Variants in ILKAP observed in about 807,000 individuals in gnomAD.
The protein encoded by ILKAP is ILK associated serine/threonine phosphatase.
ILKAP carries 11 observed loss-of-function variants against 49.1 expected under a neutral mutation model. That is an observed-to-expected ratio of 0.22 (90% CI 0.14 to 0.37). The LOEUF (loss-of-function observed/expected upper bound fraction) is 0.37. Among genes scored for constraint, ILKAP ranks in the 10% least tolerant of loss-of-function variants. The pLI is 1.00. For synonymous variants in ILKAP, 186 were observed against 192.8 expected (o/e 0.96, Z 0.29); for missense variants, 363 against 510.8 (o/e 0.71, Z 2.79).
chr2:238,174,382 C>A (rs1295036534), intron 9 of ILKAP, among the ~76,000 whole-genome samples: 2 of 152,202 alleles, frequency 1.3e-5, no homozygotes, highest in Admixed American at 6.5e-5. Flanking sequence ...AGCACTGTCA[C>A]CTTAGGCAGC....
intron 9 of ILKAP, among the ~76,000 whole-genome samples, chr2:238,174,634 CCA>C (rs1238722154): frequency 1.3e-5 from 2 of 152,178 alleles, no homozygotes; most frequent in African/African-American, 4.8e-5. Flanking sequence ...TCTCTGGGCC[CCA>C]GTTACCCTCT....
intron 5 of ILKAP, among the ~76,000 whole-genome samples, chr2:238,187,781 G>A (rs989715882): frequency 3.3e-5 from 5 of 152,186 alleles, no homozygotes; most frequent in Admixed American, 6.5e-5. Context: ...GCTATGAAGC[G>A]TCATCTCCCG....
At chr2:238,171,950 G>C (rs1693237955) in intron 10 of ILKAP, among the ~76,000 whole-genome samples, 1 of 152,136 alleles carries the variant, frequency 6.6e-6, no homozygotes. Flanking sequence ...TGGGGGTGGG[G>C]AATACGCATC....
At chr2:238,180,917 C>T (rs919760610) in intron 9 of ILKAP, among the ~76,000 whole-genome samples, 2 of 152,246 alleles carry the variant, frequency 1.3e-5, no homozygotes, top group African/African-American at 4.8e-5. Flanking sequence ...ATGTTAGAGT[C>T]ACATTCTCAG....
chr2:238,190,761 C>A (rs940150099), intron 3 of ILKAP, among the ~76,000 whole-genome samples: 9 of 151,714 alleles, frequency 5.9e-5, no homozygotes, highest in African/African-American at 1.9e-4. Flanking sequence ...TATGCAACAG[C>A]CAGATGCAGT....
intron 10 of ILKAP, among the ~76,000 whole-genome samples, chr2:238,173,032 C>T (rs1693294595): frequency 6.6e-6 from 1 of 152,198 alleles, no homozygotes; most frequent in African/African-American, 2.4e-5. Context: ...CTCAACCGAT[C>T]CTGGCTCTGT....
At chr2:238,185,988 TGAC>T (rs1156820456) in intron 5 of ILKAP, 2 of 152,226 alleles carry the variant, frequency 1.3e-5, no homozygotes, top group African/African-American at 4.8e-5. Context: ...GATTTTTCAC[TGAC>T]AACAAAACTA....
At chr2:238,190,847 G>A in intron 3 of ILKAP, among the ~76,000 whole-genome samples, 1 of 131,554 alleles carries the variant, frequency 7.6e-6, no homozygotes, top group Non-Finnish European at 1.5e-5. Context: ...TTTGAGACCT[G>A]CCTGGGCAAA....
In ILKAP at chr2:238,203,481, G is replaced by A. The variant is rs995528483; in HGVS notation, c.55+18C>T. 1.2e-4 allele frequency: 151 copies of A among 1,243,846 alleles called. 2 individuals carry two copies. In the African/African-American group the frequency reaches 2.2e-3, roughly 19 times the overall value. 77.1% of individuals were successfully genotyped at this position (1,243,846 alleles called of 1,614,324 possible). On this transcript the variant is annotated intron_variant, in intron 1 of 11. Transcript: ENST00000254654. ...CTGCTCTCCCTTCCCTGGCCGGCCCGGCGGCAACGCCGCTTACCGGCAGCC... is the reference window on the plus strand; with the variant it reads ...CTGCTCTCCCTTCCCTGGCCGGCCCAGCGGCAACGCCGCTTACCGGCAGCC...
At chr2:238,199,844 G>T (rs1044486301) in intron 1 of ILKAP, among the ~76,000 whole-genome samples, 5 of 151,278 alleles carry the variant, frequency 3.3e-5, no homozygotes, top group Admixed American at 6.6e-5. Context: ...CAAATTCCTG[G>T]CCTCAAGCCA....
At chr2:238,194,174 T>C (rs1302307583) in intron 3 of ILKAP, 101 bp downstream of exon 3, 35 of 977,750 alleles carry the variant, frequency 3.6e-5, no homozygotes, top group Non-Finnish European at 5.4e-5. Flanking sequence ...TATGACTTAA[T>C]GTCATCCAAA....
At chr2:238,195,108 C>T (rs7558403) in intron 1 of ILKAP, among the ~76,000 whole-genome samples, 42,024 of 152,064 alleles carry the variant, frequency 0.28, 6,208 homozygotes, top group South Asian at 0.37. Flanking sequence ...TAACAGGCAT[C>T]TTCAGGGCCA....
intron 9 of ILKAP, among the ~76,000 whole-genome samples, chr2:238,177,530 T>C (rs1429520538): frequency 2.0e-5 from 3 of 152,192 alleles, no homozygotes; most frequent in Non-Finnish European, 4.4e-5. Flanking sequence ...ACCATTCTAC[T>C]TTCTGTGAAC....
chr2:238,195,637 C>T (rs990646580), intron 1 of ILKAP, among the ~76,000 whole-genome samples: 1 of 152,128 alleles, frequency 6.6e-6, no homozygotes, highest in African/African-American at 2.4e-5. Flanking sequence ...TGAACTGGCA[C>T]ACAAGAATCC....
chr2:238,173,116 T>C (rs2106325493), intron 10 of ILKAP, among the ~76,000 whole-genome samples: 1 of 152,272 alleles, frequency 6.6e-6, no homozygotes, highest in Non-Finnish European at 1.5e-5. Context: ...GGGCCGGCCC[T>C]TCAGGATCTG....
intron 7 of ILKAP, 68 bp from the exon 8 acceptor site, chr2:238,183,808 G>T: frequency 8.4e-7 from 1 of 1,185,018 alleles, no homozygotes; most frequent in Non-Finnish European, 1.2e-6. Context: ...AATTTCCAGA[G>T]CTCAATGGGA....
chr2:238,183,780 G>C (rs1424559941), intron 7 of ILKAP, 40 bp from the exon 8 acceptor site: 1 of 1,456,234 alleles, frequency 6.9e-7, no homozygotes, highest in African/African-American at 1.4e-5. Flanking sequence ...ACCACCAATA[G>C]CCCAGCACTT....
intron 10 of ILKAP, 61 bp downstream of exon 10, chr2:238,173,473 A>C: frequency 6.3e-7 from 1 of 1,583,622 alleles, no homozygotes; most frequent in Middle Eastern, 1.7e-4. Context: ...AGAAACTGGA[A>C]GTGAGGAAGA....
chr2:238,179,240 G>A (rs1034075769), intron 9 of ILKAP, among the ~76,000 whole-genome samples: 5 of 152,200 alleles, frequency 3.3e-5, no homozygotes, highest in African/African-American at 1.2e-4. Flanking sequence ...ACAATGAATA[G>A]TCAGTTGGCA....
Sources: gnomAD v4.1 joint callset for allele counts (sites outside exome capture counted in the v4.1 genomes callset) on GRCh38, gnomAD v4.1.1 for gene constraint, MANE v1.5 for transcripts, NCBI Gene and HGNC (gene_info 2026-07-23, HGNC 2026-07-21) for gene names.